Variants in DYM observed in about 807,000 individuals in gnomAD.
DYM encodes the protein dymeclin, also known as dyggve-Melchior-Clausen syndrome protein.
DYM carries 78 observed loss-of-function variants against 93.1 expected under a neutral mutation model. The ratio of observed to expected loss-of-function variants is 0.84; its 90% confidence interval spans 0.70 to 1.01. The LOEUF (loss-of-function observed/expected upper bound fraction) is 1.01. Ranked by LOEUF, DYM falls within the 50% of genes least tolerant of loss-of-function variation. The pLI is 0.00. For missense variants in DYM, 789 were observed against 845.0 expected, an observed-to-expected ratio of 0.93 and a Z score of 0.82; for synonymous variants, 321 against 319.7, an observed-to-expected ratio of 1.00 and a Z score of -0.04.
chr18:49,390,231 G>C (rs2069071010), intron 3 of DYM, among the ~76,000 whole-genome samples: 1 of 152,148 alleles, frequency 6.6e-6, no homozygotes, highest in Admixed American at 6.5e-5. Flanking sequence ...CCTGAGACTA[G>C]CCTCGGCAAC....
chr18:49,129,289 G>T (rs2083153526), intron 15 of DYM, among the ~76,000 whole-genome samples: 1 of 152,116 alleles, frequency 6.6e-6, no homozygotes, highest in Non-Finnish European at 1.5e-5. Flanking sequence ...CACATTGTAA[G>T]GAACCTGGAC....
chr18:49,435,362 A>G (rs1335157354), intron 1 of DYM, among the ~76,000 whole-genome samples: 1 of 151,856 alleles, frequency 6.6e-6, no homozygotes, highest in Non-Finnish European at 1.5e-5. Flanking sequence ...GTATTATTTA[A>G]AAGCAATCTT....
chr18:49,386,429 A>G (rs1309522832), intron 3 of DYM, among the ~76,000 whole-genome samples: 5 of 152,196 alleles, frequency 3.3e-5, no homozygotes, highest in African/African-American at 1.2e-4. Context: ...TCATATTAAT[A>G]GCATGTCCCC....
chr18:49,286,363 G>A (rs2059662761), intron 9 of DYM, 71 bp downstream of exon 9: 1 of 1,545,150 alleles, frequency 6.5e-7, no homozygotes, highest in African/African-American at 1.4e-5. Context: ...AAAACTATAA[G>A]ACAATAAACA....
intron 14 of DYM, among the ~76,000 whole-genome samples, chr18:49,178,230 G>T (rs1237387889): frequency 2.0e-5 from 3 of 152,030 alleles, no homozygotes; most frequent in Admixed American, 6.6e-5. Flanking sequence ...CAACAAAGAA[G>T]AAAGGAAAAC....
intron 8 of DYM, among the ~76,000 whole-genome samples, chr18:49,288,343 C>T (rs2059798867): frequency 1.3e-5 from 2 of 152,024 alleles, no homozygotes; most frequent in Admixed American, 1.3e-4. Context: ...AAAATAGCAA[C>T]AAATCCAATA....
chr18:49,054,453 G>C (rs1288259332), intron 17 of DYM, among the ~76,000 whole-genome samples: 1 of 152,190 alleles, frequency 6.6e-6, no homozygotes, highest in East Asian at 1.9e-4. Flanking sequence ...ATGTTGGCCA[G>C]GCTGGTCTTG....
At position 49,271,366 on chromosome 18, in the gene DYM, T is replaced by C. The variant is rs180914146; in HGVS notation, c.1251+812A>G. 2.0e-3 allele frequency among the ~76,000 whole-genome samples: 307 copies of C among 152,170 alleles called. 10 individuals are homozygous for C. The South Asian group carries it at 0.061, about 30-fold the overall frequency. On this transcript the variant is annotated intron_variant, in intron 11 of 17. Coordinates refer to ENST00000675505, the MANE Select transcript of DYM (RefSeq NM_001353214.3). ...AAGCTGAGTTAACCAAAAATGGTAATAAGATGGAAAAAGGAAAAAGTCTGT... is the reference window on the plus strand; with the variant it reads ...AAGCTGAGTTAACCAAAAATGGTAACAAGATGGAAAAAGGAAAAAGTCTGT...
intron 5 of DYM, among the ~76,000 whole-genome samples, chr18:49,372,871 C>CTG (rs74333398): frequency 0.094 from 14,358 of 151,994 alleles, 865 homozygotes; most frequent in East Asian, 0.31. Context: ...GACAGAATCA[C>CTG]AGAGATTACC....
intron 17 of DYM, among the ~76,000 whole-genome samples, chr18:49,076,572 G>C (rs1040036515): frequency 6.6e-6 from 1 of 152,252 alleles, no homozygotes; most frequent in Admixed American, 6.5e-5. Flanking sequence ...ATGACACCTG[G>C]GAAGAGGTGA....
At chr18:49,406,967 TAAAC>T (rs1434350697) in intron 2 of DYM, among the ~76,000 whole-genome samples, 1 of 152,210 alleles carries the variant, frequency 6.6e-6, no homozygotes, top group Non-Finnish European at 1.5e-5. Context: ...AGTGACTGTC[TAAAC>T]AAACTATGGC....
intron 17 of DYM, among the ~76,000 whole-genome samples, chr18:49,079,408 T>C (rs188614616): frequency 1.2e-3 from 175 of 151,970 alleles, no homozygotes; most frequent in African/African-American, 4.0e-3. Context: ...TTTTTTTTTT[T>C]ATTTTTATTT....
At chr18:49,123,730 A>C (rs1159165403) in intron 15 of DYM, among the ~76,000 whole-genome samples, 1 of 152,196 alleles carries the variant, frequency 6.6e-6, no homozygotes, top group African/African-American at 2.4e-5. Flanking sequence ...TTTGAAGCAA[A>C]GGGGAGGAGA....
intron 15 of DYM, among the ~76,000 whole-genome samples, chr18:49,153,653 A>G (rs2086069204): frequency 6.6e-6 from 1 of 152,240 alleles, no homozygotes. Flanking sequence ...GAATAAAACA[A>G]GGATCCATGT....
chr18:49,133,553 A>G (rs1404259067), intron 15 of DYM, among the ~76,000 whole-genome samples: 1 of 152,194 alleles, frequency 6.6e-6, no homozygotes, highest in Non-Finnish European at 1.5e-5. Flanking sequence ...CATTCAGGTT[A>G]GAGGCATTCA....
Position 49,209,687 on chromosome 18 carries a change from C to T in DYM, c.1489G>A (p.Val497Ile). The T allele has an allele frequency of 7.8e-7, 1 of 1,285,620 alleles. No homozygotes were observed. The highest frequency in any genetic ancestry group is 1.2e-5 in the South Asian group (1 of 80,298). The allele number at this position is 1,285,620 out of a possible 1,614,324, so 79.6% of individuals were successfully genotyped here. ...AAATACAGTTTGTCCAACACATAAA[C>T]ATATCTCCGCAAGTGGCGGCAGGTA... Reference protein sequence around the residue: ...SYTCRHLRRYVYVLDKLYFPH... With the variant: ...SYTCRHLRRYIYVLDKLYFPH... Residue 497 changes from valine to isoleucine, a missense_variant, in exon 14 of 18, where the codon GTT (valine) becomes ATT (isoleucine). By Grantham distance (29) the Val-to-Ile change is conservative (BLOSUM62 3). This residue lies in a region of DYM where 225 missense variants were observed against 303.0 expected (regional missense o/e 0.74). Transcript: ENST00000675505.
chr18:49,218,486 A>T lies in DYM; in HGVS notation c.1461-8771T>A, dbSNP rs550544822. ...AGCACCACACCACACCTATTCCAAA[A>T]TTGACCACATAGTTGGAAGTAGAGC... is the stretch of plus-strand genomic sequence containing the variant. On this transcript the variant is annotated intron_variant, in intron 13 of 17. Transcript: ENST00000675505. Among the ~76,000 whole-genome samples the T allele has an allele frequency of 2.6e-5, 4 of 152,330 alleles. No individual in the cohort carries two copies. In the South Asian group the frequency reaches 8.3e-4, roughly 32 times the overall value.
intron 1 of DYM, among the ~76,000 whole-genome samples, chr18:49,442,685 AT>A (rs1285226649): frequency 6.6e-6 from 1 of 152,168 alleles, no homozygotes; most frequent in Admixed American, 6.6e-5. Flanking sequence ...CCAAACATGT[AT>A]TTAGCACCTA....
At chr18:49,338,514 TCTATACAG>T (rs1353864086) in intron 6 of DYM, among the ~76,000 whole-genome samples, 1 of 152,102 alleles carries the variant, frequency 6.6e-6, no homozygotes, top group Non-Finnish European at 1.5e-5. Flanking sequence ...ATCAAGCCAC[TCTATACAG>T]CTGTAGTAAG....
Sources: gnomAD v4.1 joint callset for allele counts (sites outside exome capture counted in the v4.1 genomes callset) on GRCh38, gnomAD v4.1.1 for gene constraint, gnomAD v4.1.1 regional missense constraint, MANE v1.5 for transcripts, NCBI Gene and HGNC (gene_info 2026-07-23, HGNC 2026-07-21) for gene names.